Variants in KLHL20 observed in about 807,000 individuals in gnomAD.
KLHL20 encodes the protein kelch like family member 20.
In KLHL20, 29 loss-of-function variants were observed where a neutral mutation model predicts 69.5. That is an observed-to-expected ratio of 0.42 (90% confidence interval 0.31 to 0.57). The LOEUF is 0.57. Among genes scored for constraint, KLHL20 ranks in the 20% least tolerant of loss-of-function variants. The pLI is 0.18. For missense variants in KLHL20, 419 were observed against 776.0 expected, an observed-to-expected ratio of 0.54 and a Z score of 5.47; for synonymous variants, 253 against 265.2, an observed-to-expected ratio of 0.95 and a Z score of 0.45.
chr1:173,770,463 C>G (rs976125113), intron 8 of KLHL20, among the ~76,000 whole-genome samples: 12 of 151,926 alleles, frequency 7.9e-5, no homozygotes, highest in Non-Finnish European at 1.6e-4. Context: ...TTCTGGAGGC[C>G]GAGGCGGGTG....
At chr1:173,775,953 G>T (rs1558223312) in intron 10 of KLHL20, 111 bp downstream of exon 10, 34 of 872,126 alleles carry the variant, frequency 3.9e-5, no homozygotes, top group Non-Finnish European at 5.7e-5. Flanking sequence ...TTTCTTTGGG[G>T]TATATACCTA....
intron 4 of KLHL20, 129 bp from the exon 5 acceptor site, chr1:173,753,084 C>A: frequency 1.5e-6 from 1 of 676,042 alleles, no homozygotes; most frequent in South Asian, 1.8e-5. Flanking sequence ...GAGGTAGGCA[C>A]ATCACTTGAG....
At chr1:173,730,821 A>G (rs938179647) in intron 2 of KLHL20, among the ~76,000 whole-genome samples, 1 of 152,238 alleles carries the variant, frequency 6.6e-6, no homozygotes, top group Non-Finnish European at 1.5e-5. Flanking sequence ...CAAGGACTTC[A>G]TGTCTAAAAC....
chr1:173,755,300 A>ACC lies in KLHL20; in HGVS notation c.852-622_852-621dup, dbSNP rs541068341. ...TCTCAATCTCTTGACCTCATGATCCACCGCCCCTCAGCCTCCCAAAGTGCT... is the reference window on the plus strand; with the variant it reads ...TCTCAATCTCTTGACCTCATGATCCACCCCGCCCCTCAGCCTCCCAAAGTGCT... On this transcript the variant is annotated intron_variant, in intron 5 of 11. Transcript: ENST00000209884. Among the ~76,000 whole-genome samples the ACC allele has an allele frequency of 5.5e-4, 83 of 152,056 alleles. 1 individual carries two copies. In the South Asian group the frequency reaches 0.017, roughly 31 times the overall value.
In KLHL20 at chr1:173,715,727, C is replaced by T. The variant is rs187093822; in HGVS notation, c.-41-276C>T. The T allele has an allele frequency of 1.3e-3, 423 of 331,536 alleles. 2 individuals carry two copies. Among genetic ancestry groups the T allele is most frequent in the Admixed American group, 2.2e-3 (50 of 23,052 alleles). The allele number at this position is 331,536 out of a possible 1,614,324, so 20.5% of individuals were successfully genotyped here. On this transcript the variant is annotated intron_variant, in intron 1 of 11. Coordinates refer to ENST00000209884, the MANE Select transcript of KLHL20 (RefSeq NM_014458.4). ...ATGTCGAGATCACAGTTAAATATCT[C>T]CAAGCACTTTTTGAAGAGAAACAAG...
intron 3 of KLHL20, among the ~76,000 whole-genome samples, chr1:173,734,841 C>G (rs1672451752): frequency 6.6e-6 from 1 of 152,154 alleles, no homozygotes; most frequent in Non-Finnish European, 1.5e-5. Context: ...TCTAGAGTCT[C>G]TGTATTCATG....
At chr1:173,727,543 G>C (rs560017488) in intron 2 of KLHL20, among the ~76,000 whole-genome samples, 1 of 152,344 alleles carries the variant, frequency 6.6e-6, no homozygotes, top group East Asian at 1.9e-4. Flanking sequence ...CAGACTAACA[G>C]CTGATCTCTC....
chr1:173,759,162 TC>T (rs1326163500), intron 7 of KLHL20, among the ~76,000 whole-genome samples: 2 of 152,044 alleles, frequency 1.3e-5, no homozygotes, highest in African/African-American at 4.8e-5. Flanking sequence ...GTCATAATCT[TC>T]CTAGGTACAC....
Position 173,775,729 on chromosome 1 carries a change from A to AT in KLHL20, c.1526dup (p.Tyr510LeufsTer6). On this transcript the variant is annotated frameshift_variant, in exon 10 of 12. Coordinates refer to ENST00000209884, the MANE Select transcript of KLHL20 (RefSeq NM_014458.4). LOFTEE classifies it high-confidence loss of function. The stretch of plus-strand genomic sequence containing the variant: ...AGGCTGTGCAGTATATCAGGACATG[A>AT]TCTATGCTGTAGGAGGTAGAGATGA... The AT allele has an allele frequency of 6.2e-7, 1 of 1,613,796 alleles. No individual in the cohort carries two copies. The highest frequency in any genetic ancestry group is 8.5e-7 in the Non-Finnish European group (1 of 1,179,966).
At chr1:173,726,544 G>A (rs866369560) in intron 2 of KLHL20, among the ~76,000 whole-genome samples, 5 of 152,230 alleles carry the variant, frequency 3.3e-5, no homozygotes, top group African/African-American at 1.2e-4. Flanking sequence ...ACTCCTCTGA[G>A]GCAAAACTTC....
intron 2 of KLHL20, among the ~76,000 whole-genome samples, chr1:173,720,374 T>C (rs1252742901): frequency 1.3e-5 from 2 of 151,282 alleles, no homozygotes; most frequent in Non-Finnish European, 2.9e-5. Flanking sequence ...CAGAATTGTC[T>C]GACATGCATG....
In KLHL20 at chr1:173,724,764, C is replaced by T. The variant is rs146463664; in HGVS notation, c.23+8698C>T. ...AGGCTGTAGTAAGCCGTGATCAAAC[C>T]GCTGTATTCCAGCCTGGGTGACAGA... is the stretch of plus-strand genomic sequence containing the variant. On this transcript the variant is annotated intron_variant, in intron 2 of 11. Transcript: ENST00000209884. Among the ~76,000 whole-genome samples, 48 of 152,182 alleles carry T rather than the reference C, an allele frequency of 3.2e-4. No individual in the cohort carries two copies. In the East Asian group the frequency reaches 4.4e-3, roughly 14 times the overall value.
In KLHL20 at chr1:173,722,189, G is replaced by A. The variant is rs576256550; in HGVS notation, c.23+6123G>A. Among the ~76,000 whole-genome samples the A allele has an allele frequency of 5.3e-5, 8 of 152,170 alleles. No homozygotes were observed. The East Asian group carries it at 9.7e-4, about 18-fold the overall frequency. ...TGGTCTCAAACTCCTGAGCTCAAACGATCCTCCTGCCTCAACCTGCCAAAG... is the reference window on the plus strand; with the variant it reads ...TGGTCTCAAACTCCTGAGCTCAAACAATCCTCCTGCCTCAACCTGCCAAAG... On this transcript the variant is annotated intron_variant, in intron 2 of 11. Coordinates refer to ENST00000209884, the MANE Select transcript of KLHL20 (RefSeq NM_014458.4).
chr1:173,723,996 T>G (rs1197598752), intron 2 of KLHL20, among the ~76,000 whole-genome samples: 2 of 152,172 alleles, frequency 1.3e-5, no homozygotes, highest in Middle Eastern at 3.2e-3. Flanking sequence ...GAATGACTTT[T>G]AAGCTTTATT....
At chr1:173,716,156 T>C in intron 2 of KLHL20, 90 bp downstream of exon 2, 1 of 1,247,382 alleles carries the variant, frequency 8.0e-7, no homozygotes, top group Middle Eastern at 1.9e-4. Flanking sequence ...TCAATCTTAC[T>C]AAATTCTGCT....
chr1:173,745,310 G>A (rs1374632811), intron 3 of KLHL20, among the ~76,000 whole-genome samples: 1 of 150,788 alleles, frequency 6.6e-6, no homozygotes, highest in Admixed American at 6.6e-5. Flanking sequence ...TTACAGGCGT[G>A]CACCACCAGG....
intron 10 of KLHL20, among the ~76,000 whole-genome samples, chr1:173,781,702 A>G (rs1571942200): frequency 6.6e-6 from 1 of 152,288 alleles, no homozygotes; most frequent in South Asian, 2.1e-4. Context: ...CCAGGCTTCA[A>G]GTGATGCTCC....
intron 3 of KLHL20, among the ~76,000 whole-genome samples, chr1:173,746,124 A>G (rs184197978): frequency 1.2e-4 from 19 of 152,288 alleles, no homozygotes; most frequent in East Asian, 3.9e-4. Context: ...ATGGAATCCT[A>G]CAAGTGAAAA....
At chr1:173,720,877 G>C (rs993357505) in intron 2 of KLHL20, among the ~76,000 whole-genome samples, 5 of 152,226 alleles carry the variant, frequency 3.3e-5, no homozygotes, top group Admixed American at 6.5e-5. Context: ...TATACTTTAA[G>C]ATTATTGTGT....
Sources: gnomAD v4.1 joint callset for allele counts (sites outside exome capture counted in the v4.1 genomes callset) on GRCh38, gnomAD v4.1.1 for gene constraint, MANE v1.5 for transcripts, NCBI Gene and HGNC (gene_info 2026-07-23, HGNC 2026-07-21) for gene names.